Variants in DDX54 observed in about 807,000 individuals in gnomAD.
DDX54 encodes DEAD-box helicase 54.
In DDX54, 67 loss-of-function variants were observed where a neutral mutation model predicts 105.5. The observed-to-expected ratio is 0.64, with a 90% CI of 0.52 to 0.78. DDX54 has a LOEUF of 0.78. Ranked by LOEUF, DDX54 falls within the 30% of genes least tolerant of loss-of-function variation. The probability of loss-of-function intolerance (pLI) is 0.00; values close to 1 mark genes in which losing one functional copy is unlikely to be tolerated. For missense variants in DDX54, 1,206 were observed against 1,230.5 expected, an observed-to-expected ratio of 0.98 and a Z score of 0.30; for synonymous variants, 514 against 509.9, an observed-to-expected ratio of 1.01 and a Z score of -0.11.
At position 113,161,392 on chromosome 12, in the gene DDX54, C is replaced by T; in HGVS notation, c.2301-10G>A. On this transcript the variant is annotated splice_polypyrimidine_tract_variant and intron_variant, in intron 18 of 19. Transcript: ENST00000306014. The stretch of plus-strand genomic sequence containing the variant: ...TTTCCACTTCTGATAGCTGGGAAAC[C>T]TCGTTAAGGAAGCTGCGTGAAGCCC... 1 of 1,607,380 alleles carries T rather than the reference C, an allele frequency of 6.2e-7. No individual in the cohort carries two copies. The highest frequency in any genetic ancestry group is 1.1e-5 in the South Asian group (1 of 90,288).
intron 17 of DDX54, 38 bp downstream of exon 17, chr12:113,162,894 A>G: frequency 6.5e-7 from 1 of 1,528,816 alleles, no homozygotes; most frequent in East Asian, 2.3e-5. Context: ...TCGGTCACTC[A>G]CCCCGAGCAT....
Position 113,172,387 on chromosome 12 carries a change from G to C in DDX54, c.1245C>G (p.Phe415Leu). The C allele has an allele frequency of 6.2e-7, 1 of 1,614,218 alleles. No homozygotes were observed. The highest frequency in any genetic ancestry group is 2.2e-5 in the East Asian group (1 of 44,888). Residue 415 changes from phenylalanine to leucine, a missense_variant, in exon 11 of 20, where the codon TTC (phenylalanine) becomes TTG (leucine). This residue lies in a region of DDX54 where 961 missense variants were observed against 1,019.1 expected (regional missense o/e 0.94). Transcript: ENST00000306014. ...PLLDNVINYSFPAKGKLFLHR... is the reference protein window; with the variant it reads ...PLLDNVINYSLPAKGKLFLHR... ...GCAGGAAGAGTTTGCCCTTGGCGGGGAAGCTGTAGTTGATGACATTGTCCA... is the reference window on the plus strand; with the variant it reads ...GCAGGAAGAGTTTGCCCTTGGCGGGCAAGCTGTAGTTGATGACATTGTCCA...
intron 11 of DDX54, among the ~76,000 whole-genome samples, chr12:113,171,712 C>T (rs1490533469): frequency 6.6e-6 from 1 of 152,072 alleles, no homozygotes; most frequent in African/African-American, 2.4e-5. Context: ...GAATTGCATG[C>T]TATGTCTACT....
chr12:113,165,515 G>A, intron 14 of DDX54, 129 bp downstream of exon 14: 1 of 957,776 alleles, frequency 1.0e-6, no homozygotes, highest in Non-Finnish European at 1.5e-6. Context: ...GGGTCCTGCT[G>A]GGGGTCAGGA....
intron 10 of DDX54, among the ~76,000 whole-genome samples, chr12:113,173,116 A>C (rs891473134): frequency 6.6e-6 from 1 of 152,196 alleles, no homozygotes; most frequent in African/African-American, 2.4e-5. Context: ...AAGGCTGGAA[A>C]ATCACTTGAG....
At chr12:113,165,117 T>C (rs1566094407) in intron 14 of DDX54, among the ~76,000 whole-genome samples, 1 of 152,184 alleles carries the variant, frequency 6.6e-6, no homozygotes, top group Non-Finnish European at 1.5e-5. Context: ...CCAAGTCCAT[T>C]TGACTTCAAA....
At chr12:113,174,851 G>A (rs1566098470) in intron 9 of DDX54, 24 bp downstream of exon 9, 1 of 1,614,156 alleles carries the variant, frequency 6.2e-7, no homozygotes, top group Non-Finnish European at 8.5e-7. Context: ...ACAACCTCCT[G>A]GGATGGGACA....
At chr12:113,165,572 G>A (rs1424316631) in intron 14 of DDX54, 72 bp downstream of exon 14, 2 of 1,473,422 alleles carry the variant, frequency 1.4e-6, no homozygotes, top group African/African-American at 1.4e-5. Flanking sequence ...GTGACCCCAG[G>A]CCACAGGCCA....
In DDX54 at chr12:113,157,348, T is replaced by C; in HGVS notation, c.*1529A>G. ...GTAAATGAAAATACTAATTGGATAGTGCAGGTGACAGCAGCGAGGAAGCTG... is the reference window on the plus strand; with the variant it reads ...GTAAATGAAAATACTAATTGGATAGCGCAGGTGACAGCAGCGAGGAAGCTG... On this transcript the variant is annotated 3_prime_UTR_variant, in exon 20 of 20. Transcript: ENST00000306014. 1 of 565,968 alleles carries C rather than the reference T, an allele frequency of 1.8e-6. No homozygotes were observed. Among genetic ancestry groups the C allele is most frequent in the South Asian group, 2.3e-5 (1 of 42,684 alleles). 35.1% of individuals were successfully genotyped at this position (565,968 alleles called of 1,614,324 possible). A position where few individuals can be genotyped will look rare whatever the true frequency, so the allele number is the denominator to read the frequency against.
chr12:113,159,184 A>G lies in DDX54; in HGVS notation c.2414-75T>C, dbSNP rs770416704. 3.6e-5 allele frequency: 52 copies of G among 1,435,912 alleles called. No homozygotes were observed. In the African/African-American group the frequency reaches 6.1e-4, roughly 17 times the overall value. 88.9% of individuals were successfully genotyped at this position (1,435,912 alleles called of 1,614,324 possible). Reference sequence around the variant, plus strand: ...ATCCCCTCCTCCCAGAAGCTTGCAGACTCCTCCCCTGCCCCTACTCCTGTT... The same window carrying G: ...ATCCCCTCCTCCCAGAAGCTTGCAGGCTCCTCCCCTGCCCCTACTCCTGTT... On this transcript the variant is annotated intron_variant, in intron 19 of 19. Transcript: ENST00000306014.
chr12:113,169,345 G>A (rs913847898), intron 12 of DDX54, among the ~76,000 whole-genome samples: 3 of 151,722 alleles, frequency 2.0e-5, no homozygotes, highest in Admixed American at 6.6e-5. Context: ...GGAATCAGCC[G>A]GGCGCAGTGA....
rs1343107716 is a variant in DDX54 at position 113,165,935 on chromosome 12, C to T, written c.1512G>A (p.Glu504=). 4.5e-5 allele frequency: 72 copies of T among 1,613,638 alleles called. No individual in the cohort carries two copies. Among genetic ancestry groups the T allele is most frequent in the Non-Finnish European group, 5.8e-5 (69 of 1,180,046 alleles). The change falls in exon 13 of 20, where the codon GAG becomes GAA. Residue 504 remains glutamate (E), a synonymous_variant. Transcript: ENST00000306014. Reference sequence around the variant, plus strand: ...CAGCAACGCGGGCCAGGCCCCGTAGCTCCAGCGATGCCTCCAGGGTGCTCT... The same window carrying T: ...CAGCAACGCGGGCCAGGCCCCGTAGTTCCAGCGATGCCTCCAGGGTGCTCT... The part of the protein sequence containing the change: ...GLQSTLEASL[E]LRGLARVADN...
At position 113,185,370 on chromosome 12, in the gene DDX54, T is replaced by C. The variant is rs564977840; in HGVS notation, c.82A>G (p.Lys28Glu). 10 of 1,573,820 alleles carry C rather than the reference T, an allele frequency of 6.4e-6. No homozygotes were observed. The highest frequency in any genetic ancestry group is 2.4e-5 in the East Asian group (1 of 42,292). Reference protein sequence around the residue: ...AQWRKKKGLRKRRGAASQARG... With the variant: ...AQWRKKKGLRERRGAASQARG... ...GCCTGGGAGGCCGCGCCTCGGCGCTTCCGGAGCCCTTTCTTCTTCCTCCAC... is the reference window on the plus strand; with the variant it reads ...GCCTGGGAGGCCGCGCCTCGGCGCTCCCGGAGCCCTTTCTTCTTCCTCCAC... The change falls in exon 1 of 20, where the codon AAG (lysine) becomes GAG (glutamate). Residue 28 changes from lysine to glutamate, a missense_variant. Transcript: ENST00000306014.
At position 113,174,892 on chromosome 12, in the gene DDX54, G is replaced by C. The variant is rs2136322610; in HGVS notation, c.919C>G (p.Leu307Val). The change falls in exon 9 of 20, where the codon CTC becomes GTC. Residue 307 changes from leucine (L) to valine (V), a missense_variant. By Grantham distance (32) the Leu-to-Val change is conservative. Transcript: ENST00000306014. ...AGCCTCACCTTCAGCTGCTCGTTGA[G>C]CTTGGTATCCACGTCAAGCCGGATG... The part of the protein sequence containing the change: ...VLIRLDVDTK[L>V]NEQLKTSFFL... 6.2e-7 allele frequency: 1 copy of C among 1,613,988 alleles called. No homozygotes were observed. Among genetic ancestry groups the C allele is most frequent in the Non-Finnish European group, 8.5e-7 (1 of 1,179,946 alleles).
rs767165625 is a variant in DDX54, at chr12:113,162,959, A to G, written c.2168T>C (p.Leu723Pro). 6.2e-7 allele frequency: 1 copy of G among 1,606,686 alleles called. No individual in the cohort carries two copies. Among genetic ancestry groups the G allele is most frequent in the East Asian group, 2.2e-5 (1 of 44,838 alleles). ...LDLMGDEAQN[L>P]TRGRQQLKWD... Reference sequence around the variant, plus strand: ...CTTGAGCTGCTGCCGGCCCCTCGTCAGGTTCTGGGCTTCATCCCCCATCAA... The same window carrying G: ...CTTGAGCTGCTGCCGGCCCCTCGTCGGGTTCTGGGCTTCATCCCCCATCAA... Residue 723 changes from leucine (L) to proline (P), a missense_variant, in exon 17 of 20, where the codon CTG (leucine) becomes CCG (proline). Transcript: ENST00000306014.
chr12:113,172,638 G>T, intron 10 of DDX54, 75 bp from the exon 11 acceptor site: 1 of 1,545,624 alleles, frequency 6.5e-7, no homozygotes, highest in Non-Finnish European at 8.8e-7. Context: ...GACCATGGCG[G>T]GGGACGGGCA....
chr12:113,168,991 C>T (rs758159072), intron 12 of DDX54, among the ~76,000 whole-genome samples: 9 of 152,026 alleles, frequency 5.9e-5, no homozygotes, highest in Non-Finnish European at 1.0e-4. Flanking sequence ...CTCTCTTTCC[C>T]TCCGCTGCGC....
At chr12:113,178,080 A>G (rs979623506) in intron 5 of DDX54, among the ~76,000 whole-genome samples, 2 of 152,050 alleles carry the variant, frequency 1.3e-5, no homozygotes, top group African/African-American at 4.8e-5. Context: ...TACAAAAAAT[A>G]CAAAAAATTG....
chr12:113,165,471 A>C lies in DDX54; in HGVS notation c.1719+173T>G, dbSNP rs548944565. Among the ~76,000 whole-genome samples the C allele has an allele frequency of 5.3e-5, 8 of 149,758 alleles. No homozygotes were observed. The South Asian group carries it at 1.7e-3, about 32-fold the overall frequency. Reference sequence around the variant, plus strand: ...GTCAGAGCCAAGGCTGCAGGTTAAGAAGCTATAAGAAGCTCAGATGAAAAT... The same window carrying C: ...GTCAGAGCCAAGGCTGCAGGTTAAGCAGCTATAAGAAGCTCAGATGAAAAT... On this transcript the variant is annotated intron_variant, in intron 14 of 19. Coordinates refer to ENST00000306014, the MANE Select transcript of DDX54 (RefSeq NM_024072.4).
Sources: gnomAD v4.1 joint callset for allele counts (sites outside exome capture counted in the v4.1 genomes callset) on GRCh38, gnomAD v4.1.1 for gene constraint, gnomAD v4.1.1 regional missense constraint, MANE v1.5 for transcripts, NCBI Gene and HGNC (gene_info 2026-07-23, HGNC 2026-07-21) for gene names.